Variants in EZR observed in about 807,000 individuals in gnomAD.
EZR encodes the protein ezrin, also known as cytovillin 2.
EZR carries 40 observed loss-of-function variants against 74.8 expected under a neutral mutation model. The ratio of observed to expected loss-of-function variants is 0.53; its 90% CI spans 0.42 to 0.70. The LOEUF is 0.70. EZR is among the 30% of genes least tolerant of loss of function. The pLI, the probability that EZR is intolerant of heterozygous loss-of-function variation, is 0.00. For synonymous variants in EZR, 341 were observed against 283.3 expected (o/e 1.20, Z -2.05); for missense variants, 678 against 755.8 (o/e 0.90, Z 1.21).
chr6:158,788,699 A>G (rs1791650194), intron 3 of EZR, among the ~76,000 whole-genome samples: 1 of 152,164 alleles, frequency 6.6e-6, no homozygotes, highest in African/African-American at 2.4e-5. Flanking sequence ...TATTGGGGAA[A>G]AAAGTATTTA....
intron 12 of EZR, among the ~76,000 whole-genome samples, chr6:158,768,530 G>A (rs1256924796): frequency 5.9e-5 from 9 of 152,196 alleles, no homozygotes; most frequent in Non-Finnish European, 1.3e-4. Context: ...AGCCACAGTG[G>A]GGGAAGGACG....
At chr6:158,787,965 T>C (rs753380829) in intron 3 of EZR, among the ~76,000 whole-genome samples, 13 of 152,344 alleles carry the variant, frequency 8.5e-5, no homozygotes, top group South Asian at 2.1e-4. Context: ...AAAGCAGTGA[T>C]AGTCGAACTT....
At chr6:158,791,705 C>CTTTTTT (rs1562499412) in intron 2 of EZR, among the ~76,000 whole-genome samples, 1 of 62,582 alleles carries the variant, frequency 1.6e-5, no homozygotes, top group Admixed American at 1.2e-4. Flanking sequence ...TTTCAGACTC[C>CTTTTTT]ATTTTTTTTT....
In EZR at chr6:158,771,336, C is replaced by T. The variant is rs1791102383; in HGVS notation, c.867G>A (p.Glu289=). The change falls in exon 9 of 14, where the codon GAG becomes GAA. Residue 289 remains glutamate, a synonymous_variant. Coordinates refer to ENST00000367075, the MANE Select transcript of EZR (RefSeq NM_001111077.2). ...CAGGCTTCCTGCGGCGCATATACAA[C>T]TCATGGTTGCCCATGCAGAGCTGCA... is the stretch of plus-strand genomic sequence containing the variant. ...RILQLCMGNH[E]LYMRRRKPDT... 1.2e-6 allele frequency: 2 copies of T among 1,614,118 alleles called. No individual in the cohort carries two copies. The highest frequency in any genetic ancestry group is 1.1e-5 in the South Asian group (1 of 91,088).
At chr6:158,804,548 T>G (rs1226562451) in intron 2 of EZR, among the ~76,000 whole-genome samples, 2 of 152,188 alleles carry the variant, frequency 1.3e-5, no homozygotes, top group South Asian at 2.1e-4. Context: ...AAACTTAAGT[T>G]TAGTAACTAC....
chr6:158,808,195 T>C (rs1777382979), intron 2 of EZR, among the ~76,000 whole-genome samples: 1 of 152,158 alleles, frequency 6.6e-6, no homozygotes, highest in East Asian at 1.9e-4. Context: ...CAATTCCTTA[T>C]CTATGGGGAA....
rs758690131 is a variant in EZR, at chr6:158,776,545, T to C, written c.699-41A>G. Reference sequence around the variant, plus strand: ...AGAAGTGGATGGTTAGATGTATACATATGTTCTTGGATTGGCTAAGAGAGA... The same window carrying C: ...AGAAGTGGATGGTTAGATGTATACACATGTTCTTGGATTGGCTAAGAGAGA... On this transcript the variant is annotated intron_variant, in intron 7 of 13. Coordinates refer to ENST00000367075, the MANE Select transcript of EZR (RefSeq NM_001111077.2). The C allele has an allele frequency of 7.1e-6, 10 of 1,405,854 alleles. No individual in the cohort carries two copies. The South Asian group carries it at 1.1e-4, about 16-fold the overall frequency. 87.1% of individuals were successfully genotyped at this position (1,405,854 alleles called of 1,614,324 possible). A position where few individuals can be genotyped will look rare whatever the true frequency, so the allele number is the denominator to read the frequency against.
chr6:158,768,560 G>C (rs1458271807), intron 12 of EZR, among the ~76,000 whole-genome samples: 1 of 152,146 alleles, frequency 6.6e-6, no homozygotes, highest in Non-Finnish European at 1.5e-5. Context: ...GTCTGTGAAG[G>C]AGAGGAGCTG....
chr6:158,813,188 C>T (rs1259003344), intron 2 of EZR, among the ~76,000 whole-genome samples: 1 of 152,192 alleles, frequency 6.6e-6, no homozygotes, highest in Non-Finnish European at 1.5e-5. Flanking sequence ...ACTACTTCCT[C>T]CCACCACAGG....
chr6:158,814,003 C>A (rs1583591832), intron 2 of EZR, among the ~76,000 whole-genome samples: 1 of 152,280 alleles, frequency 6.6e-6, no homozygotes, highest in Non-Finnish European at 1.5e-5. Context: ...CGCAGTCACC[C>A]TAACATGAAG....
At chr6:158,813,007 T>C (rs1306131694) in intron 2 of EZR, among the ~76,000 whole-genome samples, 1 of 152,180 alleles carries the variant, frequency 6.6e-6, no homozygotes, top group African/African-American at 2.4e-5. Flanking sequence ...CCTCCTGTGA[T>C]TTTCCTATTA....
intron 3 of EZR, 77 bp downstream of exon 3, chr6:158,789,211 C>T (rs1583572152): frequency 4.5e-6 from 5 of 1,109,166 alleles, no homozygotes; most frequent in Non-Finnish European, 6.6e-6. Flanking sequence ...TAATATGCTT[C>T]GCAAACAAAA....
In EZR at chr6:158,800,841, A is replaced by G. The variant is rs1453459389; in HGVS notation, c.13-11470T>C. On this transcript the variant is annotated intron_variant, in intron 2 of 13. Transcript: ENST00000367075. ...TGTACTAATAAAATAATCCTGAGGC[A>G]TATCTGCAAATGCAATGGATGAAGA... 2.6e-5 allele frequency among the ~76,000 whole-genome samples: 4 copies of G among 152,232 alleles called. No individual in the cohort carries two copies. In the East Asian group the frequency reaches 7.7e-4, roughly 29 times the overall value.
At chr6:158,792,774 C>A (rs1382788214) in intron 2 of EZR, among the ~76,000 whole-genome samples, 1 of 149,196 alleles carries the variant, frequency 6.7e-6, no homozygotes, top group Non-Finnish European at 1.5e-5. Context: ...AAGATCGGGC[C>A]ACTGCACTCC....
intron 2 of EZR, among the ~76,000 whole-genome samples, chr6:158,791,706 A>ATT (rs57581855): frequency 0.013 from 1,274 of 96,196 alleles, 80 homozygotes; most frequent in African/African-American, 0.045. Context: ...TTCAGACTCC[A>ATT]TTTTTTTTTT....
intron 1 of EZR, among the ~76,000 whole-genome samples, chr6:158,818,497 G>T (rs973975565): frequency 1.3e-5 from 2 of 150,848 alleles, no homozygotes; most frequent in Non-Finnish European, 3.0e-5. Flanking sequence ...CTGGTGGGGG[G>T]CGCAGGCCCG....
intron 2 of EZR, among the ~76,000 whole-genome samples, chr6:158,804,419 A>G (rs1469352463): frequency 6.6e-6 from 1 of 152,230 alleles, no homozygotes; most frequent in Non-Finnish European, 1.5e-5. Context: ...GAATTTATCT[A>G]ATAAACTCCT....
At chr6:158,773,226 T>C (rs1484507697) in intron 8 of EZR, among the ~76,000 whole-genome samples, 1 of 152,100 alleles carries the variant, frequency 6.6e-6, no homozygotes, top group Non-Finnish European at 1.5e-5. Context: ...AAAACCTCAA[T>C]GGTTAACATA....
In EZR at chr6:158,766,840, C is replaced by T. The variant is rs1790885307; in HGVS notation, c.*74G>A. 7.2e-7 allele frequency: 1 copy of T among 1,388,062 alleles called. No homozygotes were observed. The highest frequency in any genetic ancestry group is 1.5e-5 in the African/African-American group (1 of 65,554). 86.0% of individuals were successfully genotyped at this position (1,388,062 alleles called of 1,614,324 possible). On this transcript the variant is annotated 3_prime_UTR_variant, in exon 14 of 14. Coordinates refer to ENST00000367075, the MANE Select transcript of EZR (RefSeq NM_001111077.2). ...TGAGGGAGTTCCTAGACTTGGAGCACTAAAGACACAAGCGTGGCGGGGCTG... is the reference window on the plus strand; with the variant it reads ...TGAGGGAGTTCCTAGACTTGGAGCATTAAAGACACAAGCGTGGCGGGGCTG...
Sources: allele counts gnomAD v4.1 joint callset (sites outside exome capture counted in the v4.1 genomes callset), GRCh38; gene constraint gnomAD v4.1.1; transcripts MANE v1.5; gene names NCBI Gene and HGNC (gene_info 2026-07-23, HGNC 2026-07-21).